Variants in PLEKHA5 observed in about 807,000 individuals in gnomAD.
PLEKHA5 encodes pleckstrin homology domain-containing family A member 5.
A neutral mutation model predicts 181.9 loss-of-function variants in PLEKHA5; 55 were observed. The ratio of observed to expected loss-of-function variants is 0.30; its 90% confidence interval spans 0.24 to 0.38. The LOEUF is 0.38. PLEKHA5 is among the 10% of genes least tolerant of loss of function. PLEKHA5 has a pLI of 1.00. For missense variants in PLEKHA5, 1,432 were observed against 1,549.5 expected, an observed-to-expected ratio of 0.92 and a Z score of 1.27; for synonymous variants, 535 against 529.4, an observed-to-expected ratio of 1.01 and a Z score of -0.15.
chr12:19,158,118 C>T (rs565422932), intron 3 of PLEKHA5, among the ~76,000 whole-genome samples: 2 of 151,882 alleles, frequency 1.3e-5, no homozygotes, highest in South Asian at 2.1e-4. Context: ...TTTGGGAGGC[C>T]GAGGTGGATG....
chr12:19,322,347 T>G lies in PLEKHA5; in HGVS notation c.2255T>G (p.Val752Gly). The G allele has an allele frequency of 6.2e-7, 1 of 1,613,566 alleles. No homozygotes were observed. The highest frequency in any genetic ancestry group is 8.5e-7 in the Non-Finnish European group (1 of 1,179,528). ...CGATTATGTGAACAAGATAAAGTGG[T>G]GCATGCTCTGGAAGAGAAACTTCAG... Reference protein sequence around the residue: ...LSRLCEQDKVVHALEEKLQQL... With the variant: ...LSRLCEQDKVGHALEEKLQQL... The change falls in exon 19 of 32, where the codon GTG becomes GGG. Residue 752 changes from valine (V) to glycine (G), a missense_variant. Physicochemically the swap from Val to Gly is moderately radical, Grantham distance 109. Transcript: ENST00000429027.
chr12:19,190,493 C>T (rs2050849434), intron 3 of PLEKHA5, among the ~76,000 whole-genome samples: 1 of 152,182 alleles, frequency 6.6e-6, no homozygotes, highest in South Asian at 2.1e-4. Context: ...ATCATGAAAT[C>T]AGAGAGCTTT....
At chr12:19,218,324 G>A (rs2058347847) in intron 3 of PLEKHA5, among the ~76,000 whole-genome samples, 1 of 152,034 alleles carries the variant, frequency 6.6e-6, no homozygotes, top group Admixed American at 6.6e-5. Context: ...ATGAGAAAAC[G>A]GAGTTATTTT....
At chr12:19,363,351 G>A (rs562873658) in intron 29 of PLEKHA5, among the ~76,000 whole-genome samples, 11 of 150,714 alleles carry the variant, frequency 7.3e-5, no homozygotes, top group East Asian at 3.9e-4. Flanking sequence ...TTTATTTTTA[G>A]TAGAGACGGG....
rs6486942 is a variant in PLEKHA5 at position 19,253,929 on chromosome 12, C to T, written c.228-11C>T. ...CCTGCATGTTCTGTTTTTCTTTTTT[C>T]CTTTTTTCAGCCATAATGAAAGGAA... On this transcript the variant is annotated splice_polypyrimidine_tract_variant and intron_variant, in intron 3 of 31. Transcript: ENST00000429027. 0.94 allele frequency: 1,424,613 copies of T among 1,521,388 alleles called. 673,798 individuals carry two copies. Among genetic ancestry groups the T allele is most frequent in the Non-Finnish European group, 0.97 (1,075,542 of 1,103,790 alleles). The allele number at this position is 1,521,388 out of a possible 1,614,324, so 94.2% of individuals were successfully genotyped here.
intron 3 of PLEKHA5, among the ~76,000 whole-genome samples, chr12:19,224,894 A>C (rs923867974): frequency 6.6e-6 from 1 of 152,146 alleles, no homozygotes. Flanking sequence ...CTCAGCTGAC[A>C]GGAGGCTGGA....
chr12:19,268,812 G>GA (rs1161310101), intron 8 of PLEKHA5, among the ~76,000 whole-genome samples: 1 of 152,108 alleles, frequency 6.6e-6, no homozygotes, highest in Admixed American at 6.5e-5. Context: ...CCCACTCAGG[G>GA]AGTCCAGTAA....
intron 3 of PLEKHA5, among the ~76,000 whole-genome samples, chr12:19,249,413 T>A (rs1195668533): frequency 6.6e-6 from 1 of 152,150 alleles, no homozygotes; most frequent in East Asian, 1.9e-4. Context: ...AAGGGATGAT[T>A]CACATCATAG....
chr12:19,135,754 A>G (rs553622266), intron 3 of PLEKHA5, among the ~76,000 whole-genome samples: 1 of 152,250 alleles, frequency 6.6e-6, no homozygotes, highest in South Asian at 2.1e-4. Flanking sequence ...AGTTTATTTT[A>G]TACACTTTGA....
At chr12:19,359,611 T>A (rs909092694) in intron 28 of PLEKHA5, 65 bp downstream of exon 28, 2 of 1,452,904 alleles carry the variant, frequency 1.4e-6, no homozygotes, top group East Asian at 4.6e-5. Flanking sequence ...AATCAAGTGG[T>A]AAGGTTGAAA....
intron 20 of PLEKHA5, among the ~76,000 whole-genome samples, chr12:19,327,294 G>A (rs879015867): frequency 7.0e-6 from 1 of 142,074 alleles, no homozygotes; most frequent in South Asian, 2.2e-4. Flanking sequence ...TCTGATGAAT[G>A]TGAGATGGTA....
At chr12:19,336,476 A>G (rs2153126285) in intron 20 of PLEKHA5, 39 bp from the exon 21 acceptor site, 3 of 1,057,986 alleles carry the variant, frequency 2.8e-6, no homozygotes, top group Non-Finnish European at 4.4e-6. Flanking sequence ...ATAAAAGCAC[A>G]TTTTCCCCAT....
intron 3 of PLEKHA5, among the ~76,000 whole-genome samples, chr12:19,251,932 G>A (rs1475370240): frequency 6.6e-6 from 1 of 152,048 alleles, no homozygotes; most frequent in Non-Finnish European, 1.5e-5. Context: ...CCAAGACAAT[G>A]GTCAGGACCT....
chr12:19,341,536 G>A (rs1294532560), intron 21 of PLEKHA5, among the ~76,000 whole-genome samples: 1 of 151,704 alleles, frequency 6.6e-6, no homozygotes, highest in Non-Finnish European at 1.5e-5. Flanking sequence ...CTCTTGCATG[G>A]GTACTTTCTT....
chr12:19,290,943 T>C (rs948513916), intron 14 of PLEKHA5, 147 bp downstream of exon 14: 7 of 701,570 alleles, frequency 1.0e-5, no homozygotes, highest in Non-Finnish European at 1.5e-5. Context: ...TATTAACCCT[T>C]TGAGAATTCA....
At chr12:19,327,831 G>C (rs1287979225) in intron 20 of PLEKHA5, among the ~76,000 whole-genome samples, 1 of 151,896 alleles carries the variant, frequency 6.6e-6, no homozygotes, top group Admixed American at 6.6e-5. Flanking sequence ...TTTTAGTAGA[G>C]ACAGGGTTTC....
chr12:19,237,808 G>C (rs997571203), intron 3 of PLEKHA5, among the ~76,000 whole-genome samples: 1 of 151,904 alleles, frequency 6.6e-6, no homozygotes, highest in Non-Finnish European at 1.5e-5. Flanking sequence ...ATTGTACTAT[G>C]TAAATTGATT....
intron 14 of PLEKHA5, 39 bp downstream of exon 14, chr12:19,290,835 A>G: frequency 2.7e-6 from 4 of 1,496,422 alleles, no homozygotes; most frequent in Non-Finnish European, 3.6e-6. Context: ...GTCTGCCATC[A>G]TCTCTTATTT....
In PLEKHA5 at chr12:19,157,648, A is replaced by T. The variant is rs923604387; in HGVS notation, c.227+25198A>T. Among the ~76,000 whole-genome samples the T allele has an allele frequency of 2.0e-5, 3 of 152,230 alleles. No homozygotes were observed. The East Asian group carries it at 5.8e-4, about 29-fold the overall frequency. On this transcript the variant is annotated intron_variant, in intron 3 of 31. Transcript: ENST00000429027. Reference sequence around the variant, plus strand: ...ATATGTCATTTATTGCATACACCATACCAATCTACCCGTCAGTTATTGAGC... The same window carrying T: ...ATATGTCATTTATTGCATACACCATTCCAATCTACCCGTCAGTTATTGAGC...
Sources: gnomAD v4.1 joint callset for allele counts (sites outside exome capture counted in the v4.1 genomes callset) on GRCh38, gnomAD v4.1.1 for gene constraint, MANE v1.5 for transcripts, NCBI Gene and HGNC (gene_info 2026-07-23, HGNC 2026-07-21) for gene names.